The following PARP8 variants were observed in gnomAD, a reference collection of about 807,000 sequenced individuals.
PARP8 encodes the protein poly(ADP-ribose) polymerase family member 8.
A neutral mutation model predicts 124.1 loss-of-function variants in PARP8; 51 were observed. That is an observed-to-expected ratio of 0.41 (90% confidence interval 0.33 to 0.52). The LOEUF is 0.52. Ranked by LOEUF, PARP8 falls within the 20% of genes least tolerant of loss-of-function variation. The pLI is 0.21. For synonymous variants in PARP8, 391 were observed against 361.5 expected, an observed-to-expected ratio of 1.08 and a Z score of -0.93; for missense variants, 860 against 1,018.9, an observed-to-expected ratio of 0.84 and a Z score of 2.12.
chr5:50,755,522 A>G (rs900200711), intron 3 of PARP8, among the ~76,000 whole-genome samples: 14 of 151,998 alleles, frequency 9.2e-5, no homozygotes, highest in African/African-American at 2.9e-4. Context: ...AGGGCTCTGT[A>G]TTGTTCCATT....
At chr5:50,759,848 A>G in intron 4 of PARP8, 116 bp downstream of exon 4, 1 of 1,194,876 alleles carries the variant, frequency 8.4e-7, no homozygotes, top group Non-Finnish European at 1.1e-6. Flanking sequence ...GTGTCTATAA[A>G]TCCAGTCTCC....
At chr5:50,668,347 G>A (rs1037222789) in intron 2 of PARP8, 2 of 573,400 alleles carry the variant, frequency 3.5e-6, no homozygotes, top group South Asian at 2.0e-5. Context: ...CAGGCAATGA[G>A]CAGAACTCTT....
chr5:50,667,936 C>T (rs1749541427), intron 1 of PARP8, 135 bp from the exon 2 acceptor site: 1 of 1,552,048 alleles, frequency 6.4e-7, no homozygotes, highest in African/African-American at 1.4e-5. Flanking sequence ...CGCAGAGGGA[C>T]CTCGCCGCCC....
chr5:50,761,734 C>T (rs1354515113), intron 5 of PARP8, 87 bp from the exon 6 acceptor site: 5 of 833,110 alleles, frequency 6.0e-6, no homozygotes, highest in African/African-American at 5.4e-5. Context: ...AATATATGCT[C>T]AAGACTTGCC....
At chr5:50,754,902 T>A (rs552669179) in intron 3 of PARP8, among the ~76,000 whole-genome samples, 1 of 152,292 alleles carries the variant, frequency 6.6e-6, no homozygotes, top group African/African-American at 2.4e-5. Context: ...GGTATCTCAT[T>A]GTGGTTTTGA....
intron 2 of PARP8, chr5:50,741,973 T>C (rs1000684361): frequency 5.2e-5 from 19 of 365,132 alleles, no homozygotes; most frequent in Admixed American, 7.8e-5. Flanking sequence ...CACGCCTGGC[T>C]AATTTTTTCT....
At chr5:50,838,250 CT>C (rs1447668297) in intron 25 of PARP8, among the ~76,000 whole-genome samples, 1 of 152,018 alleles carries the variant, frequency 6.6e-6, no homozygotes, top group East Asian at 1.9e-4. Flanking sequence ...TTTTCCATTT[CT>C]TTTTCCTTGC....
chr5:50,797,899 T>C (rs765235916), intron 14 of PARP8, among the ~76,000 whole-genome samples: 5 of 152,186 alleles, frequency 3.3e-5, no homozygotes, highest in African/African-American at 4.8e-5. Context: ...CCATTACAGC[T>C]ATTTAATTCC....
Position 50,778,111 on chromosome 5 carries a change from C to A in PARP8, c.561C>A (p.Ile187=), listed in dbSNP as rs774845957. The A allele has an allele frequency of 1.9e-6, 3 of 1,606,154 alleles. No individual in the cohort carries two copies. The highest frequency in any genetic ancestry group is 2.5e-6 in the Non-Finnish European group (3 of 1,176,582). ...AIDDVDIDLH[I]DVSFLDEEIA... is the part of the protein sequence containing the mutation. ...ATGATGTAGATATTGATCTGCATAT[C>A]GATGTTAGCTTTCTTGATGTAAGTA... The change falls in exon 8 of 26, where the codon ATC becomes ATA. Residue 187 remains isoleucine (I), a synonymous_variant. Transcript: ENST00000281631.
chr5:50,710,623 G>A (rs77221392), intron 2 of PARP8, among the ~76,000 whole-genome samples: 6,574 of 152,058 alleles, frequency 0.043, 451 homozygotes, highest in African/African-American at 0.15. Context: ...TCTCATTTCT[G>A]GTCTGGTAGG....
At chr5:50,735,795 AG>A (rs1356760602) in intron 2 of PARP8, among the ~76,000 whole-genome samples, 1 of 151,888 alleles carries the variant, frequency 6.6e-6, no homozygotes, top group East Asian at 1.9e-4. Flanking sequence ...AACTAAGAAA[AG>A]TTTTAAGTGG....
intron 14 of PARP8, among the ~76,000 whole-genome samples, chr5:50,807,164 G>A (rs1743942300): frequency 6.6e-6 from 1 of 151,308 alleles, no homozygotes. Flanking sequence ...TAAAATTTTA[G>A]TCACTGCTTT....
rs539352626 is a variant in PARP8 at position 50,803,085 on chromosome 5, C to T, written c.1575+5852C>T. On this transcript the variant is annotated intron_variant, in intron 14 of 25. Transcript: ENST00000281631. ...GGATAGTTATGCTGGGTATAGAATT[C>T]ATGGTTGGAAATTTCTGTGTGTGAT... Among the ~76,000 whole-genome samples the T allele has an allele frequency of 1.4e-3, 208 of 152,204 alleles. 1 individual carries two copies. Among genetic ancestry groups the T allele is most frequent in the African/African-American group, 5.0e-3 (206 of 41,532 alleles).
At chr5:50,682,060 A>G (rs1431672551) in intron 2 of PARP8, among the ~76,000 whole-genome samples, 2 of 152,156 alleles carry the variant, frequency 1.3e-5, no homozygotes, top group African/African-American at 4.8e-5. Context: ...ATTATTTCAT[A>G]TCCTTTGACT....
chr5:50,728,139 G>A (rs1242239814), intron 2 of PARP8, among the ~76,000 whole-genome samples: 1 of 152,112 alleles, frequency 6.6e-6, no homozygotes, highest in Non-Finnish European at 1.5e-5. Context: ...TTGCTTCTGT[G>A]TCATTTTTCT....
chr5:50,760,208 G>T, intron 4 of PARP8, 84 bp from the exon 5 acceptor site: 1 of 1,157,380 alleles, frequency 8.6e-7, no homozygotes, highest in East Asian at 3.0e-5. Context: ...CACCTAAAGG[G>T]TAGTTTTATA....
At chr5:50,692,473 T>C (rs1328799918) in intron 2 of PARP8, among the ~76,000 whole-genome samples, 1 of 152,104 alleles carries the variant, frequency 6.6e-6, no homozygotes, top group Non-Finnish European at 1.5e-5. Flanking sequence ...GTCTTTTTTA[T>C]TCTTTAAAGG....
At chr5:50,709,754 A>G (rs2149487198) in intron 2 of PARP8, among the ~76,000 whole-genome samples, 1 of 151,796 alleles carries the variant, frequency 6.6e-6, no homozygotes, top group East Asian at 1.9e-4. Flanking sequence ...TTGCAAAAAT[A>G]TAAAAAGGAG....
chr5:50,778,179 A>G (rs1278281148), intron 8 of PARP8, 50 bp downstream of exon 8: 2 of 1,339,456 alleles, frequency 1.5e-6, no homozygotes, highest in African/African-American at 1.5e-5. Flanking sequence ...AATACATTTT[A>G]TTTTATTTTT....
Sources: gnomAD v4.1 joint callset for allele counts (sites outside exome capture counted in the v4.1 genomes callset) on GRCh38, gnomAD v4.1.1 for gene constraint, MANE v1.5 for transcripts, NCBI Gene and HGNC (gene_info 2026-07-23, HGNC 2026-07-21) for gene names.